The following FBXO47 variants were observed in gnomAD, a reference collection of about 807,000 sequenced individuals.
The protein encoded by FBXO47 is F-box protein 47, also known as F-box only protein 47.
Under a neutral mutation model 53.9 loss-of-function variants are expected in FBXO47, and 34 were observed. The ratio of observed to expected loss-of-function variants is 0.63; its 90% CI spans 0.48 to 0.84. FBXO47 has a LOEUF of 0.84. Among genes scored for constraint, FBXO47 ranks in the 40% least tolerant of loss-of-function variants. The probability of loss-of-function intolerance (pLI) is 0.00; values close to 1 mark genes in which losing one functional copy is unlikely to be tolerated. For synonymous variants in FBXO47, 165 were observed against 181.6 expected (o/e 0.91, Z 0.73); for missense variants, 485 against 541.3 (o/e 0.90, Z 1.03).
intron 1 of FBXO47, among the ~76,000 whole-genome samples, chr17:38,964,744 G>C (rs1316215419): frequency 6.6e-6 from 1 of 152,072 alleles, no homozygotes; most frequent in Non-Finnish European, 1.5e-5. Flanking sequence ...TACGCATCTT[G>C]ATTTCAAAGA....
intron 7 of FBXO47, among the ~76,000 whole-genome samples, chr17:38,944,190 CATGTGTGTGTGTGTGTGT>C (rs1904635706): frequency 8.1e-6 from 1 of 122,758 alleles, no homozygotes; most frequent in South Asian, 3.0e-4. Context: ...TCAAAAAAAA[CATGTGTGTGTGTGTGTGT>C]GTGTGTGTGT....
chr17:38,962,824 T>C, intron 2 of FBXO47, 21 bp downstream of exon 2: 1 of 1,577,204 alleles, frequency 6.3e-7, no homozygotes, highest in South Asian at 1.1e-5. Context: ...TGTAGGCTAT[T>C]CATAAGTTCC....
chr17:38,964,894 T>C (rs182475072), intron 1 of FBXO47, among the ~76,000 whole-genome samples: 13 of 152,242 alleles, frequency 8.5e-5, no homozygotes, highest in African/African-American at 2.9e-4. Context: ...CTCAGCTCAC[T>C]GCAACCTCCC....
At chr17:38,963,779 G>T (rs1360526689) in intron 1 of FBXO47, among the ~76,000 whole-genome samples, 2 of 146,422 alleles carry the variant, frequency 1.4e-5, no homozygotes, top group Admixed American at 6.8e-5. Context: ...GTTGGTTTTT[G>T]TTGTTGTTGT....
At chr17:38,946,989 T>C (rs1435260273) in intron 6 of FBXO47, among the ~76,000 whole-genome samples, 1 of 127,596 alleles carries the variant, frequency 7.8e-6, no homozygotes, top group East Asian at 2.3e-4. Context: ...TAAATATATA[T>C]AAACATATAC....
chr17:38,944,848 A>ATGCGTGTGTGTGTGTGTGTGTGTG (rs150367922), intron 7 of FBXO47, 112 bp downstream of exon 7: 35 of 616,800 alleles, frequency 5.7e-5, no homozygotes, highest in Non-Finnish European at 8.0e-6. Flanking sequence ...GCGTGCATGC[A>ATGCGTGTGTGTGTGTGTGTGTGTG]TGTGTGTGTG....
intron 6 of FBXO47, among the ~76,000 whole-genome samples, chr17:38,946,368 AG>A (rs1904833268): frequency 4.0e-4 from 37 of 91,590 alleles, no homozygotes; most frequent in Admixed American, 1.8e-3. Flanking sequence ...ATAAATATAT[AG>A]ATATATATAT....
chr17:38,953,125 C>CCACA (rs768926649), intron 5 of FBXO47, among the ~76,000 whole-genome samples: 18,828 of 117,656 alleles, frequency 0.16, 1,569 homozygotes, highest in East Asian at 0.23. Context: ...AAAAAAAAAA[C>CCACA]CACACACACA....
chr17:38,960,824 G>T (rs1905783239), intron 3 of FBXO47, among the ~76,000 whole-genome samples: 1 of 151,856 alleles, frequency 6.6e-6, no homozygotes, highest in Non-Finnish European at 1.5e-5. Context: ...TAGAGACAGG[G>T]TTTCACCATG....
At chr17:38,945,381 G>A (rs1232861310) in intron 6 of FBXO47, among the ~76,000 whole-genome samples, 1 of 152,078 alleles carries the variant, frequency 6.6e-6, no homozygotes, top group Non-Finnish European at 1.5e-5. Context: ...TCAATCAAAA[G>A]ACATGCTTAA....
intron 6 of FBXO47, among the ~76,000 whole-genome samples, chr17:38,946,020 A>C (rs1462674435): frequency 7.8e-6 from 1 of 128,444 alleles, no homozygotes; most frequent in Non-Finnish European, 1.6e-5. Flanking sequence ...TAAATATAAA[A>C]ATATAAAAAT....
chr17:38,952,393 C>T (rs1905339967), intron 5 of FBXO47, among the ~76,000 whole-genome samples: 1 of 151,988 alleles, frequency 6.6e-6, no homozygotes, highest in African/African-American at 2.4e-5. Context: ...AGCATATGAT[C>T]AAGGTGATGT....
At position 38,963,552 on chromosome 17, in the gene FBXO47, CA is replaced by C. The variant is rs374514557; in HGVS notation, c.-26-502del. On this transcript the variant is annotated intron_variant, in intron 1 of 10. Transcript: ENST00000378079. ...TCATCTCTTTTTTTATTGTTTCGAACAAAAAAAGTCAGTACTCAGTTTTAAA... is the reference window on the plus strand; with the variant it reads ...TCATCTCTTTTTTTATTGTTTCGAACAAAAAAGTCAGTACTCAGTTTTAAA... 2.6e-3 allele frequency among the ~76,000 whole-genome samples: 393 copies of C among 151,186 alleles called. 2 individuals carry two copies. Among genetic ancestry groups the C allele is most frequent in the African/African-American group, 8.8e-3 (363 of 41,286 alleles).
At chr17:38,949,439 CAAAACAAAA>C (rs1598143448) in intron 6 of FBXO47, among the ~76,000 whole-genome samples, 1 of 151,370 alleles carries the variant, frequency 6.6e-6, no homozygotes, top group African/African-American at 2.4e-5. Context: ...CAAAACAAAA[CAAAACAAAA>C]CAACAATAAC....
At chr17:38,961,683 A>T (rs976514119) in intron 3 of FBXO47, among the ~76,000 whole-genome samples, 194 bp downstream of exon 3, 4 of 152,204 alleles carry the variant, frequency 2.6e-5, no homozygotes, top group African/African-American at 9.6e-5. Flanking sequence ...GACACTTTAC[A>T]TCAAAATGCA....
At chr17:38,967,164 T>C (rs1906171421) in intron 1 of FBXO47, 65 bp downstream of exon 1, 1 of 151,938 alleles carries the variant, frequency 6.6e-6, no homozygotes, top group Non-Finnish European at 1.5e-5. Context: ...CATGTTTCGC[T>C]CCCTTCAGTC....
At chr17:38,946,349 TAA>T (rs1491390248) in intron 6 of FBXO47, among the ~76,000 whole-genome samples, 41 of 85,730 alleles carry the variant, frequency 4.8e-4, no homozygotes, top group Admixed American at 1.8e-4. Context: ...TATAAATATA[TAA>T]ATATATATAA....
intron 5 of FBXO47, among the ~76,000 whole-genome samples, chr17:38,953,669 C>T (rs549989695): frequency 6.6e-6 from 1 of 152,008 alleles, no homozygotes; most frequent in East Asian, 1.9e-4. Context: ...ATCTTATTCC[C>T]TGTGGAAGGA....
chr17:38,944,848 ATGTGTGTG>A lies in FBXO47; in HGVS notation c.793+104_793+111del, dbSNP rs71300085. The A allele has an allele frequency of 4.9e-6, 3 of 615,520 alleles. 1 individual carries two copies. Among genetic ancestry groups the A allele is most frequent in the Non-Finnish European group, 8.1e-6 (3 of 372,450 alleles). The allele number at this position is 615,520 out of a possible 1,614,324, so 38.1% of individuals were successfully genotyped here. A position where few individuals can be genotyped will look rare whatever the true frequency, so the allele number is the denominator to read the frequency against. ...ATCGCACCACTGTGTGCGTGCATGC[ATGTGTGTG>A]TGTGTGTGTGTGTGTATAATATATG... is the stretch of plus-strand genomic sequence containing the variant. On this transcript the variant is annotated intron_variant, in intron 7 of 10. Transcript: ENST00000378079.
Sources: gnomAD v4.1 joint callset for allele counts (sites outside exome capture counted in the v4.1 genomes callset) on GRCh38, gnomAD v4.1.1 for gene constraint, MANE v1.5 for transcripts, NCBI Gene and HGNC (gene_info 2026-07-23, HGNC 2026-07-21) for gene names.